The following SCOC variants were observed in gnomAD, a reference collection of about 807,000 sequenced individuals.
SCOC encodes short coiled-coil protein, also known as short coiled coil protein.
SCOC carries 7 observed loss-of-function variants against 9.9 expected under a neutral mutation model. That is an observed-to-expected ratio of 0.71 (90% CI 0.40 to 1.33). SCOC has a LOEUF of 1.33. SCOC is among the 40% of genes most tolerant of loss of function. The pLI is 0.01. For synonymous variants in SCOC, 19 were observed against 28.2 expected (o/e 0.67, Z 1.03); for missense variants, 66 against 89.7 (o/e 0.74, Z 1.07).
At chr4:140,343,262 A>C (rs879655654), upstream of SCOC, among the ~76,000 whole-genome samples, 38 of 152,282 alleles carry the variant, frequency 2.5e-4, no homozygotes, top group Non-Finnish European at 1.5e-4. Context: ...AAGATATGTT[A>C]ATCATATAAA....
intron 1 of SCOC, among the ~76,000 whole-genome samples, chr4:140,318,784 T>C (rs551430360): frequency 6.6e-6 from 1 of 151,748 alleles, no homozygotes; most frequent in Admixed American, 6.6e-5. Context: ...TGCACACGTA[T>C]GTTTATTGCG....
At chr4:140,342,433 C>T (rs1448885639), upstream of SCOC, among the ~76,000 whole-genome samples, 1 of 151,994 alleles carries the variant, frequency 6.6e-6, no homozygotes, top group Non-Finnish European at 1.5e-5. Flanking sequence ...TTATTTTGAA[C>T]CTCCAAAGTG....
intron 1 of SCOC, among the ~76,000 whole-genome samples, chr4:140,334,740 C>T (rs2126499322): frequency 6.6e-6 from 1 of 152,080 alleles, no homozygotes; most frequent in South Asian, 2.1e-4. Flanking sequence ...ATAGCAATTC[C>T]CCACCATTTC....
intron 1 of SCOC, among the ~76,000 whole-genome samples, chr4:140,374,606 C>T (rs531594231): frequency 1.3e-5 from 2 of 152,234 alleles, no homozygotes; most frequent in East Asian, 1.9e-4. Flanking sequence ...TCTGAACAGA[C>T]ATTATATTGA....
intron 1 of SCOC, among the ~76,000 whole-genome samples, chr4:140,302,097 G>T (rs541706271): frequency 6.6e-6 from 1 of 152,192 alleles, no homozygotes; most frequent in African/African-American, 2.4e-5. Context: ...GCCTCCCAAG[G>T]TGCTGGGATT....
intron 2 of SCOC, among the ~76,000 whole-genome samples, chr4:140,358,710 T>C (rs1190016978): frequency 6.6e-6 from 1 of 152,212 alleles, no homozygotes; most frequent in South Asian, 2.1e-4. Flanking sequence ...TTTCTGTGTT[T>C]TGTGGTTCAT....
chr4:140,264,631 G>A (rs573704532), intron 1 of SCOC, among the ~76,000 whole-genome samples: 8 of 152,322 alleles, frequency 5.3e-5, no homozygotes, highest in Middle Eastern at 3.4e-3. Context: ...CTATCATTTA[G>A]TGGGTGGAGG....
chr4:140,333,616 T>C (rs7684746), intron 1 of SCOC, among the ~76,000 whole-genome samples: 5,282 of 152,216 alleles, frequency 0.035, 291 homozygotes, highest in African/African-American at 0.12. Context: ...AAAAGTTACA[T>C]ACAATGTGTA....
intron 1 of SCOC, among the ~76,000 whole-genome samples, chr4:140,263,449 T>G (rs2126390418): frequency 6.6e-6 from 1 of 152,334 alleles, no homozygotes; most frequent in East Asian, 1.9e-4. Context: ...CTGAGCCACG[T>G]GCAGAGCAGC....
intron 1 of SCOC, among the ~76,000 whole-genome samples, chr4:140,375,269 G>T (rs1728294171): frequency 6.6e-6 from 1 of 152,176 alleles, no homozygotes; most frequent in Non-Finnish European, 1.5e-5. Context: ...GAGCTAAAAG[G>T]TAGAGAAGAC....
At chr4:140,299,047 G>C (rs1019883504) in intron 1 of SCOC, among the ~76,000 whole-genome samples, 71 of 152,268 alleles carry the variant, frequency 4.7e-4, no homozygotes, top group African/African-American at 1.7e-3. Flanking sequence ...CAAACTCCTA[G>C]CCTTGGGCAA....
At chr4:140,292,121 C>T (rs917841956) in intron 1 of SCOC, among the ~76,000 whole-genome samples, 1 of 151,828 alleles carries the variant, frequency 6.6e-6, no homozygotes, top group African/African-American at 2.4e-5. Context: ...ATCTCTGTTG[C>T]CCCCCATCTT....
At chr4:140,294,051 A>C (rs1352199185) in intron 1 of SCOC, among the ~76,000 whole-genome samples, 1 of 152,222 alleles carries the variant, frequency 6.6e-6, no homozygotes, top group Non-Finnish European at 1.5e-5. Context: ...ACATTAAAAA[A>C]CAAAATACAG....
intron 1 of SCOC, among the ~76,000 whole-genome samples, chr4:140,268,425 G>T (rs1311497059): frequency 6.6e-6 from 1 of 152,144 alleles, no homozygotes; most frequent in African/African-American, 2.4e-5. Context: ...CCTCTGCTAA[G>T]AAATGATGAT....
chr4:140,307,162 C>A (rs1436868543), intron 1 of SCOC, among the ~76,000 whole-genome samples: 1 of 152,202 alleles, frequency 6.6e-6, no homozygotes, highest in Non-Finnish European at 1.5e-5. Context: ...GTGTCTTGAT[C>A]TTGGACTTCC....
At chr4:140,307,478 G>A (rs1732026793) in intron 1 of SCOC, among the ~76,000 whole-genome samples, 1 of 152,146 alleles carries the variant, frequency 6.6e-6, no homozygotes. Flanking sequence ...AAGTTCAGGA[G>A]GTGCTTATCA....
intron 1 of SCOC, chr4:140,291,367 G>A (rs778959806): frequency 2.9e-5 from 13 of 455,440 alleles, no homozygotes; most frequent in South Asian, 9.3e-5. Context: ...GGTGGCAGCC[G>A]CCTGGCTCTT....
At chr4:140,332,752 C>A (rs976205690) in intron 1 of SCOC, among the ~76,000 whole-genome samples, 11 of 152,186 alleles carry the variant, frequency 7.2e-5, no homozygotes, top group South Asian at 2.1e-4. Flanking sequence ...TGAAATCTGT[C>A]CAGGATTTGA....
chr4:140,345,024 T>C (rs1419581297), intron 2 of SCOC, among the ~76,000 whole-genome samples: 1 of 152,166 alleles, frequency 6.6e-6, no homozygotes, highest in African/African-American at 2.4e-5. Context: ...ACGTCTCATC[T>C]TCTGCCACTT....
Sources: allele counts gnomAD v4.1 joint callset (sites outside exome capture counted in the v4.1 genomes callset), GRCh38; gene constraint gnomAD v4.1.1; transcripts MANE v1.5; gene names NCBI Gene and HGNC (gene_info 2026-07-23, HGNC 2026-07-21).